The following GOLGA4 variants were observed in gnomAD, a reference collection of about 807,000 sequenced individuals.
GOLGA4 encodes golgin subfamily A member 4.
Under a neutral mutation model 265.9 loss-of-function variants are expected in GOLGA4, and 169 were observed. The observed-to-expected ratio is 0.64, with a 90% CI of 0.56 to 0.72. The LOEUF (loss-of-function observed/expected upper bound fraction) is 0.72. Ranked by LOEUF, GOLGA4 falls within the 30% of genes least tolerant of loss-of-function variation. The probability of loss-of-function intolerance (pLI) is 0.00; values close to 1 mark genes in which losing one functional copy is unlikely to be tolerated. For synonymous variants in GOLGA4, 923 were observed against 855.8 expected, an observed-to-expected ratio of 1.08 and a Z score of -1.37; for missense variants, 2,482 against 2,483.4, an observed-to-expected ratio of 1.00 and a Z score of 0.01.
intron 1 of GOLGA4, chr3:37,245,567 TTTC>T (rs2096716938): frequency 6.6e-6 from 1 of 152,214 alleles, no homozygotes; most frequent in African/African-American, 2.4e-5. Context: ...GTGTTTAGCT[TTTC>T]TTCGTGAAAA....
chr3:37,339,522 A>G (rs762907440), intron 19 of GOLGA4, among the ~76,000 whole-genome samples: 6 of 152,248 alleles, frequency 3.9e-5, no homozygotes, highest in African/African-American at 1.4e-4. Context: ...TCAACAAAGT[A>G]TAAGAGTTCC....
At chr3:37,275,526 G>C (rs1421347117) in intron 2 of GOLGA4, among the ~76,000 whole-genome samples, 1 of 152,176 alleles carries the variant, frequency 6.6e-6, no homozygotes, top group Non-Finnish European at 1.5e-5. Flanking sequence ...GATCTTTAAA[G>C]AATATCATTG....
intron 2 of GOLGA4, among the ~76,000 whole-genome samples, chr3:37,253,332 C>T (rs543514568): frequency 5.2e-4 from 79 of 151,270 alleles, no homozygotes; most frequent in South Asian, 8.4e-4. Flanking sequence ...AATGAGAAAC[C>T]GCATAGGGTA....
intron 17 of GOLGA4, among the ~76,000 whole-genome samples, chr3:37,336,854 AT>A (rs1399930133): frequency 6.6e-6 from 1 of 151,452 alleles, no homozygotes; most frequent in Non-Finnish European, 1.5e-5. Flanking sequence ...TCTACTCAAC[AT>A]TTTTTTTTCT....
At chr3:37,333,619 C>T (rs2096998949) in intron 16 of GOLGA4, among the ~76,000 whole-genome samples, 1 of 152,204 alleles carries the variant, frequency 6.6e-6, no homozygotes. Context: ...GGCTAAACCA[C>T]ATTGACACAG....
intron 14 of GOLGA4, 130 bp from the exon 15 acceptor site, chr3:37,328,286 T>TCACA: frequency 1.4e-6 from 1 of 731,686 alleles, no homozygotes; most frequent in South Asian, 1.8e-5. Flanking sequence ...TCACACTCTC[T>TCACA]CTCTCTCTCT....
At chr3:37,299,228 A>G (rs2096886611) in intron 8 of GOLGA4, 60 bp from the exon 9 acceptor site, 2 of 1,116,774 alleles carry the variant, frequency 1.8e-6, no homozygotes, top group Admixed American at 3.8e-5. Context: ...AAATGTTTAG[A>G]GTTCTCAAAT....
Position 37,299,205 on chromosome 3 carries a change from A to C in GOLGA4, c.1003-83A>C. On this transcript the variant is annotated intron_variant, in intron 8 of 23. Transcript: ENST00000361924. ...TTTTTCCTTCTGCACTGTAACATGT[A>C]TATAAATTAGATAAATGTTTAGAGT... 4.0e-6 allele frequency: 4 copies of C among 1,005,460 alleles called. No homozygotes were observed. In the South Asian group the frequency reaches 5.5e-5, roughly 14 times the overall value. 62.3% of individuals were successfully genotyped at this position (1,005,460 alleles called of 1,614,324 possible). A position where few individuals can be genotyped will look rare whatever the true frequency, so the allele number is the denominator to read the frequency against.
chr3:37,327,281 GA>G lies in GOLGA4; in HGVS notation c.5396del (p.Glu1799GlyfsTer12). On this transcript the variant is annotated frameshift_variant, in exon 14 of 24. Transcript: ENST00000361924. LOFTEE classifies it high-confidence loss of function. Reference sequence around the variant, plus strand: ...TCAAAGTATGATAGGTCATCTTCAAGAGGAGCTTGAAGAAAAAAACAAGAAA... The same window carrying G: ...TCAAAGTATGATAGGTCATCTTCAAGGGAGCTTGAAGAAAAAAACAAGAAA... Reference protein sequence around the residue: ...EDQSMIGHLQEELEEKNKKYS... With the variant: ...EDQSMIGHLQXELEEKNKKYS... 1 of 1,613,704 alleles carries G rather than the reference GA, an allele frequency of 6.2e-7. No individual in the cohort carries two copies. Among genetic ancestry groups the G allele is most frequent in the Non-Finnish European group, 8.5e-7 (1 of 1,179,732 alleles).
Position 37,325,513 on chromosome 3 carries a change from G to A in GOLGA4, c.3627G>A (p.Leu1209=). The change falls in exon 14 of 24, where the codon CTG becomes CTA. Residue 1209 remains leucine, a synonymous_variant. Transcript: ENST00000361924. The part of the protein sequence containing the change: ...LEDKSLEFKK[L]SEELAIQLDI... ...ACAAGAGCTTGGAATTTAAAAAACT[G>A]TCTGAGGAACTAGCGATTCAGCTAG... The A allele has an allele frequency of 6.2e-7, 1 of 1,613,830 alleles. No individual in the cohort carries two copies. Among genetic ancestry groups the A allele is most frequent in the Non-Finnish European group, 8.5e-7 (1 of 1,179,832 alleles).
intron 2 of GOLGA4, chr3:37,276,061 A>C (rs1028820813): frequency 3.5e-5 from 57 of 1,612,464 alleles, no homozygotes; most frequent in Middle Eastern, 4.0e-4. Context: ...CAAATGCTCG[A>C]GATACTTATG....
Position 37,327,447 on chromosome 3 carries a change from A to G in GOLGA4, c.5561A>G (p.Gln1854Arg), listed in dbSNP as rs762549816. Residue 1854 changes from glutamine to arginine, a missense_variant, in exon 14 of 24, where the codon CAA becomes CGA. Physicochemically the swap from Gln to Arg is conservative, Grantham distance 43. Transcript: ENST00000361924. ...EKELTCQILE[Q>R]KIKELDSCLV... is the part of the protein sequence containing the mutation. ...GAACTAACCTGTCAGATTTTGGAGCAAAAGATAAAAGAGCTGGATTCCTGC... is the reference window on the plus strand; with the variant it reads ...GAACTAACCTGTCAGATTTTGGAGCGAAAGATAAAAGAGCTGGATTCCTGC... 2 of 1,612,954 alleles carry G rather than the reference A, an allele frequency of 1.2e-6. No homozygotes were observed. The highest frequency in any genetic ancestry group is 1.7e-6 in the Non-Finnish European group (2 of 1,179,628).
chr3:37,279,524 C>T (rs1228267131), intron 2 of GOLGA4, among the ~76,000 whole-genome samples: 2 of 152,210 alleles, frequency 1.3e-5, no homozygotes, highest in Non-Finnish European at 2.9e-5. Flanking sequence ...TGATGCTCCA[C>T]GTGGGGCCAA....
chr3:37,288,450 A>G (rs2096855984), intron 4 of GOLGA4, among the ~76,000 whole-genome samples: 1 of 145,110 alleles, frequency 6.9e-6, no homozygotes, highest in South Asian at 2.2e-4. Context: ...TAATTTAGCC[A>G]TCTGATGTTC....
At position 37,294,361 on chromosome 3, in the gene GOLGA4, G is replaced by A. The variant is rs548481870; in HGVS notation, c.583-618G>A. Among the ~76,000 whole-genome samples, 4 of 149,846 alleles carry A rather than the reference G, an allele frequency of 2.7e-5. No individual in the cohort carries two copies. The East Asian group carries it at 7.9e-4, about 29-fold the overall frequency. On this transcript the variant is annotated intron_variant, in intron 5 of 23. Coordinates refer to ENST00000361924, the MANE Select transcript of GOLGA4 (RefSeq NM_002078.5). ...TAACACAAGTAGTAAGAGTCTCAAA[G>A]TTTTTCTTTTATCTTAAGTAATTTT...
chr3:37,290,738 A>C (rs546989105), intron 5 of GOLGA4, among the ~76,000 whole-genome samples: 1 of 152,166 alleles, frequency 6.6e-6, no homozygotes, highest in Non-Finnish European at 1.5e-5. Context: ...TTGGACTGGG[A>C]ATGTGTTAGT....
At chr3:37,356,358 G>A (rs1212307868) in intron 22 of GOLGA4, among the ~76,000 whole-genome samples, 3 of 152,036 alleles carry the variant, frequency 2.0e-5, no homozygotes, top group Non-Finnish European at 4.4e-5. Context: ...GCTCATCCTA[G>A]CATTCCCTGA....
intron 5 of GOLGA4, among the ~76,000 whole-genome samples, chr3:37,294,771 G>GA (rs1272170363): frequency 6.6e-6 from 1 of 151,988 alleles, no homozygotes; most frequent in Non-Finnish European, 1.5e-5. Context: ...TTTCTTCTTG[G>GA]ATCTTCATAT....
At chr3:37,291,602 C>G (rs1188403623) in intron 5 of GOLGA4, among the ~76,000 whole-genome samples, 1 of 152,132 alleles carries the variant, frequency 6.6e-6, no homozygotes, top group African/African-American at 2.4e-5. Context: ...GAAAAGCATG[C>G]CTTGTCATGC....
Sources: allele counts gnomAD v4.1 joint callset (sites outside exome capture counted in the v4.1 genomes callset), GRCh38; gene constraint gnomAD v4.1.1; transcripts MANE v1.5; gene names NCBI Gene and HGNC (gene_info 2026-07-23, HGNC 2026-07-21).